The following XPNPEP3 variants were observed in gnomAD, a reference collection of about 807,000 sequenced individuals.
The protein encoded by XPNPEP3 is X-prolyl aminopeptidase 3, also known as xaa-Pro aminopeptidase 3.
Under a neutral mutation model 60.0 loss-of-function variants are expected in XPNPEP3, and 41 were observed. The ratio of observed to expected loss-of-function variants is 0.68; its 90% confidence interval spans 0.53 to 0.89. The LOEUF is 0.89. XPNPEP3 is among the 40% of genes least tolerant of loss of function. The pLI is 0.00. For missense variants in XPNPEP3, 598 were observed against 638.9 expected, an observed-to-expected ratio of 0.94 and a Z score of 0.69; for synonymous variants, 212 against 223.2, an observed-to-expected ratio of 0.95 and a Z score of 0.45.
At chr22:40,880,870 C>T (rs557848470) in intron 2 of XPNPEP3, among the ~76,000 whole-genome samples, 1 of 151,404 alleles carries the variant, frequency 6.6e-6, no homozygotes, top group Non-Finnish European at 1.5e-5. Flanking sequence ...CTGCAGTAGG[C>T]AAATCCATAG....
intron 6 of XPNPEP3, among the ~76,000 whole-genome samples, chr22:40,912,257 GTATACAAGTTGCCAAGTT>G (rs1290546090): frequency 6.6e-6 from 1 of 151,658 alleles, no homozygotes; most frequent in East Asian, 1.9e-4. Context: ...ATTTTTCCTG[GTATACAAGTTGCCAAGTT>G]TGTCTAAGGG....
At chr22:40,890,441 A>G (rs2058084320) in intron 4 of XPNPEP3, among the ~76,000 whole-genome samples, 1 of 152,066 alleles carries the variant, frequency 6.6e-6, no homozygotes, top group Non-Finnish European at 1.5e-5. Flanking sequence ...TGGGAGGCTG[A>G]GGTAGGACGA....
intron 4 of XPNPEP3, among the ~76,000 whole-genome samples, chr22:40,888,705 G>A (rs1033393601): frequency 3.3e-5 from 5 of 150,386 alleles, no homozygotes; most frequent in African/African-American, 1.2e-4. Flanking sequence ...TTGTGTTCAA[G>A]TCTCTTTTAA....
At chr22:40,873,935 C>T (rs1394522612) in intron 2 of XPNPEP3, among the ~76,000 whole-genome samples, 1 of 151,822 alleles carries the variant, frequency 6.6e-6, no homozygotes, top group Non-Finnish European at 1.5e-5. Flanking sequence ...AATCTTTTTC[C>T]CTTAAGAGTT....
chr22:40,921,657 G>C (rs569817006), intron 7 of XPNPEP3, among the ~76,000 whole-genome samples: 1 of 152,014 alleles, frequency 6.6e-6, no homozygotes, highest in Non-Finnish European at 1.5e-5. Flanking sequence ...AAATTACAGC[G>C]AACATTTTAG....
At chr22:40,876,949 A>G (rs950170092) in intron 2 of XPNPEP3, among the ~76,000 whole-genome samples, 1 of 152,204 alleles carries the variant, frequency 6.6e-6, no homozygotes, top group Admixed American at 6.5e-5. Flanking sequence ...GCTTTAACAA[A>G]GGTAACCTAC....
At chr22:40,868,915 TA>T in intron 1 of XPNPEP3, 83 bp from the exon 2 acceptor site, 1 of 1,092,948 alleles carries the variant, frequency 9.1e-7, no homozygotes, top group Non-Finnish European at 1.4e-6. Flanking sequence ...CTAAAGCATC[TA>T]AACTGCTAGA....
chr22:40,918,119 C>T (rs1032669930), intron 7 of XPNPEP3, among the ~76,000 whole-genome samples: 1 of 151,982 alleles, frequency 6.6e-6, no homozygotes, highest in Admixed American at 6.6e-5. Flanking sequence ...CACTGGTAAT[C>T]CCAGTGTTTT....
chr22:40,904,613 C>A (rs188191057), intron 4 of XPNPEP3, among the ~76,000 whole-genome samples: 8 of 151,986 alleles, frequency 5.3e-5, no homozygotes, highest in Non-Finnish European at 1.2e-4. Flanking sequence ...GGGTTCAAAG[C>A]AAAATTAATA....
At chr22:40,876,186 T>G (rs1435667541) in intron 2 of XPNPEP3, among the ~76,000 whole-genome samples, 2 of 152,218 alleles carry the variant, frequency 1.3e-5, no homozygotes, top group Non-Finnish European at 2.9e-5. Flanking sequence ...TTCTAAATGG[T>G]CAATGGAGAT....
At chr22:40,862,198 C>G (rs1377588213) in intron 1 of XPNPEP3, 2 of 1,367,276 alleles carry the variant, frequency 1.5e-6, no homozygotes, top group Non-Finnish European at 1.9e-6. Flanking sequence ...GAGAGGGCTG[C>G]ATTATGGTGT....
chr22:40,881,611 A>G (rs1327912508), intron 2 of XPNPEP3, among the ~76,000 whole-genome samples, 159 bp from the exon 3 acceptor site: 1 of 152,186 alleles, frequency 6.6e-6, no homozygotes, highest in African/African-American at 2.4e-5. Context: ...GTGGAATACA[A>G]GTTTGAAACC....
At chr22:40,871,168 G>T (rs1371760951) in intron 2 of XPNPEP3, among the ~76,000 whole-genome samples, 1 of 152,186 alleles carries the variant, frequency 6.6e-6, no homozygotes, top group South Asian at 2.1e-4. Context: ...TTCGAGACGA[G>T]CATAGGCAAC....
intron 1 of XPNPEP3, 79 bp downstream of exon 1, chr22:40,857,324 G>A: frequency 6.6e-7 from 1 of 1,522,152 alleles, no homozygotes; most frequent in South Asian, 1.2e-5. Context: ...TCCCTGGTTC[G>A]GCTGACCCTT....
intron 1 of XPNPEP3, chr22:40,860,610 A>AAAGAAAAAT (rs1286732868): frequency 1.4e-5 from 18 of 1,283,908 alleles, no homozygotes; most frequent in Non-Finnish European, 1.8e-5. Flanking sequence ...AAACTCTACT[A>AAAGAAAAAT]AAGAAAAATT....
At chr22:40,922,634 C>G in intron 8 of XPNPEP3, 121 bp downstream of exon 8, 1 of 1,287,548 alleles carries the variant, frequency 7.8e-7, no homozygotes, top group Non-Finnish European at 1.1e-6. Flanking sequence ...GCCTGTAATC[C>G]CAGTAGTTTA....
intron 4 of XPNPEP3, among the ~76,000 whole-genome samples, chr22:40,896,483 A>G (rs928754658): frequency 1.3e-5 from 2 of 152,164 alleles, no homozygotes; most frequent in African/African-American, 4.8e-5. Context: ...CTGGGCAACA[A>G]GGCGAAACCC....
At chr22:40,909,256 G>A (rs2058168119) in intron 6 of XPNPEP3, 21 bp downstream of exon 6, 1 of 1,593,158 alleles carries the variant, frequency 6.3e-7, no homozygotes, top group Non-Finnish European at 8.6e-7. Context: ...TGCCCTCAGT[G>A]CTACTCCCAC....
chr22:40,886,500 G>A lies in XPNPEP3; in HGVS notation c.777G>A (p.Gly259=). 1.2e-6 allele frequency: 2 copies of A among 1,613,934 alleles called. No individual in the cohort carries two copies. Among genetic ancestry groups the A allele is most frequent in the Non-Finnish European group, 1.7e-6 (2 of 1,179,996 alleles). The part of the protein sequence containing the change: ...PAEIERMQIA[G]KLTSQAFIET... ...AAATTGAACGAATGCAGATTGCTGG[G>A]AAGCTGACATCACAGGTATGATTCC... The change falls in exon 4 of 10, where the codon GGG becomes GGA. Residue 259 remains glycine (G), a synonymous_variant. Coordinates refer to ENST00000357137, the MANE Select transcript of XPNPEP3 (RefSeq NM_022098.4).
Sources: gnomAD v4.1 joint callset for allele counts (sites outside exome capture counted in the v4.1 genomes callset) on GRCh38, gnomAD v4.1.1 for gene constraint, MANE v1.5 for transcripts, NCBI Gene and HGNC (gene_info 2026-07-23, HGNC 2026-07-21) for gene names.